The following H1-4 variants were observed in gnomAD, a reference collection of about 807,000 sequenced individuals.
The protein encoded by H1-4 is histone H1.4.
Under a neutral mutation model 7.2 loss-of-function variants are expected in H1-4, and 9 were observed. That is an observed-to-expected ratio of 1.25 (90% CI 0.75 to 2.18). The LOEUF (loss-of-function observed/expected upper bound fraction) is 2.18. Ranked by LOEUF, H1-4 falls within the 30% of genes most tolerant of loss-of-function variation. The pLI, the probability that H1-4 is intolerant of heterozygous loss-of-function variation, is 0.00. For missense variants in H1-4, 646 were observed against 287.9 expected (o/e 2.24, Z -9.00); for synonymous variants, 318 against 126.6 (o/e 2.51, Z -10.15).
rs551256249 is a variant in H1-4 at position 26,157,020 on chromosome 6, G to A, written c.630G>A (p.Lys210=). ...AGACCGCCAAGCCCAAGGCAGCCAA[G>A]CCAAAGAAGGCGGCAGCCAAGAAAA... ...KPKTAKPKAA[K]PKKAAAKKK Residue 210 remains lysine (K), a synonymous_variant, in exon 1 of 1, where the codon AAG becomes AAA. Coordinates refer to ENST00000304218, the MANE Select transcript of H1-4 (RefSeq NM_005321.3). The A allele has an allele frequency of 1.9e-5, 30 of 1,584,184 alleles. No individual in the cohort carries two copies. Among genetic ancestry groups the A allele is most frequent in the Admixed American group, 4.0e-5 (2 of 50,146 alleles).
chr6:26,156,574 C>T lies in H1-4; in HGVS notation c.184C>T (p.Leu62Phe), dbSNP rs762441962. 1 of 1,614,190 alleles carries T rather than the reference C, an allele frequency of 6.2e-7. No individual in the cohort carries two copies. The highest frequency in any genetic ancestry group is 8.5e-7 in the Non-Finnish European group (1 of 1,180,036). ...KERSGVSLAA[L>F]KKALAAAGYD... The stretch of plus-strand genomic sequence containing the variant: ...GCGCAGCGGCGTATCTTTGGCCGCT[C>T]TCAAGAAAGCGCTGGCAGCCGCTGG... Residue 62 changes from leucine (L) to phenylalanine (F), a missense_variant, in exon 1 of 1, where the codon CTC (leucine) becomes TTC (phenylalanine). Physicochemically the swap from Leu to Phe is conservative, Grantham distance 22 (BLOSUM62 0). Coordinates refer to ENST00000304218, the MANE Select transcript of H1-4 (RefSeq NM_005321.3).
rs761681415 is a variant in H1-4 at position 26,156,481 on chromosome 6, G to C, written c.91G>C (p.Ala31Pro). Residue 31 changes from alanine (A) to proline (P), a missense_variant, in exon 1 of 1, where the codon GCC (alanine) becomes CCC (proline). Ala to Pro is a conservative substitution (Grantham distance 27). Coordinates refer to ENST00000304218, the MANE Select transcript of H1-4 (RefSeq NM_005321.3). ...GAAGGCCCGCAAGTCTGCAGGTGCG[G>C]CCAAGCGCAAAGCGTCTGGGCCCCC... is the stretch of plus-strand genomic sequence containing the variant. ...KKKARKSAGA[A>P]KRKASGPPVS... The C allele has an allele frequency of 1.2e-5, 19 of 1,613,416 alleles. No individual in the cohort carries two copies. The East Asian group carries it at 4.0e-4, about 34-fold the overall frequency.
rs1266582491 is a variant in H1-4, at chr6:26,156,473, C to T, written c.83C>T (p.Ala28Val). 17 of 1,613,110 alleles carry T rather than the reference C, an allele frequency of 1.1e-5. No individual in the cohort carries two copies. Among genetic ancestry groups the T allele is most frequent in the African/African-American group, 5.3e-5 (4 of 74,940 alleles). ...GTGAAGAAGAAGGCCCGCAAGTCTG[C>T]AGGTGCGGCCAAGCGCAAAGCGTCT... Reference protein sequence around the residue: ...TPVKKKARKSAGAAKRKASGP... With the variant: ...TPVKKKARKSVGAAKRKASGP... The change falls in exon 1 of 1, where the codon GCA (alanine) becomes GTA (valine). Residue 28 changes from alanine (A) to valine (V), a missense_variant. By Grantham distance (64) the Ala-to-Val change is moderately conservative. Coordinates refer to ENST00000304218, the MANE Select transcript of H1-4 (RefSeq NM_005321.3).
In H1-4 at chr6:26,156,729, T is replaced by A; in HGVS notation, c.339T>A (p.Ser113=). Residue 113 remains serine, a synonymous_variant, in exon 1 of 1, where the codon TCT becomes TCA. Transcript: ENST00000304218. ...GSFKLNKKAA[S]GEAKPKAKKA... ...TCAAACTCAACAAGAAGGCGGCCTC[T>A]GGGGAAGCCAAGCCTAAGGCTAAAA... The A allele has an allele frequency of 6.2e-7, 1 of 1,614,070 alleles. No homozygotes were observed. Among genetic ancestry groups the A allele is most frequent in the Non-Finnish European group, 8.5e-7 (1 of 1,180,008 alleles).
In H1-4 at chr6:26,156,907, C is replaced by T. The variant is rs779475190; in HGVS notation, c.517C>T (p.Pro173Ser). 20 of 1,610,618 alleles carry T rather than the reference C, an allele frequency of 1.2e-5. No individual in the cohort carries two copies. Among genetic ancestry groups the T allele is most frequent in the Admixed American group, 8.4e-5 (5 of 59,478 alleles). The change falls in exon 1 of 1, where the codon CCG (proline) becomes TCG (serine). Residue 173 changes from proline (P) to serine (S), a missense_variant. Transcript: ENST00000304218. ...TGCTGGAGCCAAAAAAGCGAAAAGC[C>T]CGAAAAAGGCGAAAGCAGCCAAGCC... Reference protein sequence around the residue: ...AAAGAKKAKSPKKAKAAKPKK... With the variant: ...AAAGAKKAKSSKKAKAAKPKK...
In H1-4 at chr6:26,156,855, A is replaced by G. The variant is rs752257830; in HGVS notation, c.465A>G (p.Pro155=). The G allele has an allele frequency of 3.7e-6, 6 of 1,607,758 alleles. No homozygotes were observed. The highest frequency in any genetic ancestry group is 4.5e-5 in the East Asian group (2 of 44,672). The change falls in exon 1 of 1, where the codon CCA becomes CCG. Residue 155 remains proline, a synonymous_variant. Transcript: ENST00000304218. The part of the protein sequence containing the change: ...ATPKKSAKKT[P]KKAKKPAAAA... Reference sequence around the variant, plus strand: ...CCAAGAAGAGCGCCAAGAAGACCCCAAAGAAGGCGAAGAAGCCGGCTGCAG... The same window carrying G: ...CCAAGAAGAGCGCCAAGAAGACCCCGAAGAAGGCGAAGAAGCCGGCTGCAG...
rs980627455 is a variant in H1-4 at position 26,156,531 on chromosome 6, T to C, written c.141T>C (p.Ala47=). The part of the protein sequence containing the change: ...GPPVSELITK[A]VAASKERSGV... ...CGGTGTCCGAGCTCATTACTAAAGC[T>C]GTTGCCGCCTCCAAGGAGCGCAGCG... Residue 47 remains alanine, a synonymous_variant, in exon 1 of 1, where the codon GCT becomes GCC. Transcript: ENST00000304218. 6 of 1,613,918 alleles carry C rather than the reference T, an allele frequency of 3.7e-6. No homozygotes were observed. The African/African-American group carries it at 6.7e-5, about 18-fold the overall frequency.
At position 26,157,022 on chromosome 6, in the gene H1-4, C is replaced by G. The variant is rs1764207816; in HGVS notation, c.632C>G (p.Pro211Arg). The change falls in exon 1 of 1, where the codon CCA (proline) becomes CGA (arginine). Residue 211 changes from proline to arginine, a missense_variant. By Grantham distance (103) the Pro-to-Arg change is moderately radical. Transcript: ENST00000304218. ...PKTAKPKAAK[P>R]KKAAAKKK ...ACCGCCAAGCCCAAGGCAGCCAAGC[C>G]AAAGAAGGCGGCAGCCAAGAAAAAG... 1 of 1,584,650 alleles carries G rather than the reference C, an allele frequency of 6.3e-7. No homozygotes were observed. The highest frequency in any genetic ancestry group is 1.2e-5 in the South Asian group (1 of 85,858).
chr6:26,156,790 G>C lies in H1-4; in HGVS notation c.400G>C (p.Ala134Pro), dbSNP rs1324625016. Reference sequence around the variant, plus strand: ...GGCCAAGGCCAAGAAGCCAGCAGGAGCGGCGAAGAAGCCCAAGAAGGCGAC... The same window carrying C: ...GGCCAAGGCCAAGAAGCCAGCAGGACCGGCGAAGAAGCCCAAGAAGGCGAC... ...GAAKAKKPAG[A>P]AKKPKKATGA... is the part of the protein sequence containing the mutation. Residue 134 changes from alanine to proline, a missense_variant, in exon 1 of 1, where the codon GCG becomes CCG. Transcript: ENST00000304218. The C allele has an allele frequency of 3.1e-6, 5 of 1,611,914 alleles. No homozygotes were observed. In the Admixed American group the frequency reaches 6.7e-5, roughly 22 times the overall value.
chr6:26,156,616 A>C lies in H1-4; in HGVS notation c.226A>C (p.Asn76His). 6.2e-7 allele frequency: 1 copy of C among 1,614,228 alleles called. No homozygotes were observed. The highest frequency in any genetic ancestry group is 8.5e-7 in the Non-Finnish European group (1 of 1,180,044). Reference sequence around the variant, plus strand: ...AGCCGCTGGCTATGACGTGGAGAAGAACAACAGCCGCATCAAGCTGGGTCT... The same window carrying C: ...AGCCGCTGGCTATGACGTGGAGAAGCACAACAGCCGCATCAAGCTGGGTCT... ...LAAAGYDVEK[N>H]NSRIKLGLKS... The change falls in exon 1 of 1, where the codon AAC (asparagine) becomes CAC (histidine). Residue 76 changes from asparagine to histidine, a missense_variant. Physicochemically the swap from Asn to His is moderately conservative, Grantham distance 68. Coordinates refer to ENST00000304218, the MANE Select transcript of H1-4 (RefSeq NM_005321.3).
rs781753197 is a variant in H1-4, at chr6:26,156,405, G to A, written c.15G>A (p.Ala5=). The part of the protein sequence containing the change: MSET[A]PAAPAAPAPA... ...TTGCCTTCAACATGTCCGAGACTGC[G>A]CCTGCCGCGCCCGCTGCTCCGGCCC... Residue 5 remains alanine, a synonymous_variant, in exon 1 of 1, where the codon GCG becomes GCA. Coordinates refer to ENST00000304218, the MANE Select transcript of H1-4 (RefSeq NM_005321.3). 1.1e-4 allele frequency: 180 copies of A among 1,585,916 alleles called. 1 individual carries two copies. Among genetic ancestry groups the A allele is most frequent in the Admixed American group, 2.0e-4 (11 of 56,048 alleles).
At position 26,157,070 on chromosome 6, in the gene H1-4, G is replaced by A. The variant is rs1420142279; in HGVS notation, c.*20G>A. 5.1e-6 allele frequency: 8 copies of A among 1,572,952 alleles called. No individual in the cohort carries two copies. In the African/African-American group the frequency reaches 8.3e-5, roughly 16 times the overall value. On this transcript the variant is annotated 3_prime_UTR_variant, in exon 1 of 1. Coordinates refer to ENST00000304218, the MANE Select transcript of H1-4 (RefSeq NM_005321.3). ...AAGTAGAAAGTTCCTTTGGCCAACT[G>A]CTTAGAAGCCCAACACAACCCAAAG...
chr6:26,156,486 G>A lies in H1-4; in HGVS notation c.96G>A (p.Lys32=), dbSNP rs1413553690. The A allele has an allele frequency of 1.9e-6, 3 of 1,613,610 alleles. No homozygotes were observed. Among genetic ancestry groups the A allele is most frequent in the Non-Finnish European group, 2.5e-6 (3 of 1,179,962 alleles). Residue 32 remains lysine (K), a synonymous_variant, in exon 1 of 1, where the codon AAG becomes AAA. Transcript: ENST00000304218. ...CCCGCAAGTCTGCAGGTGCGGCCAA[G>A]CGCAAAGCGTCTGGGCCCCCGGTGT... The part of the protein sequence containing the change: ...KKARKSAGAA[K]RKASGPPVSE...
At position 26,156,946 on chromosome 6, in the gene H1-4, A is replaced by C. The variant is rs1764203237; in HGVS notation, c.556A>C (p.Lys186Gln). 1 of 1,612,614 alleles carries C rather than the reference A, an allele frequency of 6.2e-7. No homozygotes were observed. Among genetic ancestry groups the C allele is most frequent in the South Asian group, 1.1e-5 (1 of 91,030 alleles). ...AGCAGCCAAGCCAAAAAAGGCGCCC[A>C]AGAGCCCAGCGAAGGCCAAAGCAGT... Reference protein sequence around the residue: ...AKAAKPKKAPKSPAKAKAVKP... With the variant: ...AKAAKPKKAPQSPAKAKAVKP... The change falls in exon 1 of 1, where the codon AAG becomes CAG. Residue 186 changes from lysine (K) to glutamine (Q), a missense_variant. By Grantham distance (53) the Lys-to-Gln change is moderately conservative. Coordinates refer to ENST00000304218, the MANE Select transcript of H1-4 (RefSeq NM_005321.3).
In H1-4 at chr6:26,157,007, C is replaced by T. The variant is rs1386488124; in HGVS notation, c.617C>T (p.Pro206Leu). 2.5e-6 allele frequency: 4 copies of T among 1,590,680 alleles called. No homozygotes were observed. The highest frequency in any genetic ancestry group is 2.2e-5 in the East Asian group (1 of 44,810). Residue 206 changes from proline (P) to leucine (L), a missense_variant, in exon 1 of 1, where the codon CCC becomes CTC. Coordinates refer to ENST00000304218, the MANE Select transcript of H1-4 (RefSeq NM_005321.3). ...GCGGCTAAACCAAAGACCGCCAAGC[C>T]CAAGGCAGCCAAGCCAAAGAAGGCG... is the stretch of plus-strand genomic sequence containing the variant. ...PKAAKPKTAK[P>L]KAAKPKKAAA... is the part of the protein sequence containing the mutation.
Position 26,156,386 on chromosome 6 carries a change from T to C in H1-4, c.-5T>C. 1 of 1,560,196 alleles carries C rather than the reference T, an allele frequency of 6.4e-7. No homozygotes were observed. Among genetic ancestry groups the C allele is most frequent in the Non-Finnish European group, 8.7e-7 (1 of 1,155,806 alleles). On this transcript the variant is annotated 5_prime_UTR_variant, in exon 1 of 1. Coordinates refer to ENST00000304218, the MANE Select transcript of H1-4 (RefSeq NM_005321.3). ...GAATTGCTCTCGCTCACGCTTGCCT[T>C]CAACATGTCCGAGACTGCGCCTGCC...
Position 26,156,718 on chromosome 6 carries a change from A to G in H1-4, c.328A>G (p.Lys110Glu), listed in dbSNP as rs1425897959. ...GASGSFKLNKKAASGEAKPKA... is the reference protein window; with the variant it reads ...GASGSFKLNKEAASGEAKPKA... ...GTCGGGTTCCTTCAAACTCAACAAG[A>G]AGGCGGCCTCTGGGGAAGCCAAGCC... The change falls in exon 1 of 1, where the codon AAG becomes GAG. Residue 110 changes from lysine to glutamate, a missense_variant. Lys to Glu is a moderately conservative substitution (Grantham distance 56). Coordinates refer to ENST00000304218, the MANE Select transcript of H1-4 (RefSeq NM_005321.3). 22 of 1,614,032 alleles carry G rather than the reference A, an allele frequency of 1.4e-5. No individual in the cohort carries two copies. The Admixed American group carries it at 3.3e-4, about 24-fold the overall frequency.
At position 26,157,111 on chromosome 6, in the gene H1-4, A is replaced by G; in HGVS notation, c.*61A>G. The G allele has an allele frequency of 6.5e-7, 1 of 1,536,566 alleles. No individual in the cohort carries two copies. Among genetic ancestry groups the G allele is most frequent in the Non-Finnish European group, 8.7e-7 (1 of 1,150,020 alleles). On this transcript the variant is annotated 3_prime_UTR_variant, in exon 1 of 1. Transcript: ENST00000304218. The stretch of plus-strand genomic sequence containing the variant: ...CAACCCAAAGGCTCTTTTCAGAGCC[A>G]CCCACCGCTCTCAGTAAAAGAGCTG...
Position 26,156,342 on chromosome 6 carries a change from G to C in H1-4, c.-49G>C, listed in dbSNP as rs568298921. 28 of 1,494,244 alleles carry C rather than the reference G, an allele frequency of 1.9e-5. No homozygotes were observed. The highest frequency in any genetic ancestry group is 1.7e-4 in the South Asian group (13 of 76,292). The allele number at this position is 1,494,244 out of a possible 1,614,324, so 92.6% of individuals were successfully genotyped here. On this transcript the variant is annotated 5_prime_UTR_variant, in exon 1 of 1. Coordinates refer to ENST00000304218, the MANE Select transcript of H1-4 (RefSeq NM_005321.3). ...AGCGCCGCGGCTCGAGTCCCGGCCAGTGCCTCTGCTTCCGGCTCGAATTGC... is the reference window on the plus strand; with the variant it reads ...AGCGCCGCGGCTCGAGTCCCGGCCACTGCCTCTGCTTCCGGCTCGAATTGC...
Sources: gnomAD v4.1 joint callset for allele counts on GRCh38, gnomAD v4.1.1 for gene constraint, MANE v1.5 for transcripts, NCBI Gene and HGNC (gene_info 2026-07-23, HGNC 2026-07-21) for gene names.